The following DLK1 variants were observed in gnomAD, a reference collection of about 807,000 sequenced individuals.
DLK1 encodes the protein protein delta homolog 1.
In DLK1, 9 loss-of-function variants were observed where a neutral mutation model predicts 35.2. The ratio of observed to expected loss-of-function variants is 0.26; its 90% CI spans 0.15 to 0.45. The LOEUF is 0.45. Among genes scored for constraint, DLK1 ranks in the 20% least tolerant of loss-of-function variants. The probability of loss-of-function intolerance (pLI) is 1.00; values close to 1 mark genes in which losing one functional copy is unlikely to be tolerated. For missense variants in DLK1, 522 were observed against 528.5 expected (o/e 0.99, Z 0.12); for synonymous variants, 231 against 228.4 (o/e 1.01, Z -0.10).
rs1366343736 is a variant in DLK1 at position 100,735,532 on chromosome 14, C to G, written c.*636C>G. 1.3e-5 allele frequency: 2 copies of G among 152,340 alleles called. No individual in the cohort carries two copies. Among genetic ancestry groups the G allele is most frequent in the East Asian group, 3.9e-4 (2 of 5,178 alleles). The allele number at this position is 152,340 out of a possible 1,614,324, so 9.4% of individuals were successfully genotyped here. On this transcript the variant is annotated 3_prime_UTR_variant, in exon 5 of 5. Coordinates refer to ENST00000341267, the MANE Select transcript of DLK1 (RefSeq NM_003836.7). Reference sequence around the variant, plus strand: ...TGTGATCCTTGGCGAGTCCCTATCCCAATCCTGGGCCCACTTTCTCGCCCC... The same window carrying G: ...TGTGATCCTTGGCGAGTCCCTATCCGAATCCTGGGCCCACTTTCTCGCCCC...
At chr14:100,727,598 T>A (rs72698729) in intron 1 of DLK1, among the ~76,000 whole-genome samples, 12,725 of 152,104 alleles carry the variant, frequency 0.084, 744 homozygotes, top group Non-Finnish European at 0.12. Context: ...CGCGTTTCTG[T>A]AGGTGAGGGG....
chr14:100,728,785 A>T, intron 2 of DLK1, 151 bp from the exon 3 acceptor site: 1 of 1,076,512 alleles, frequency 9.3e-7, no homozygotes, highest in Non-Finnish European at 1.3e-6. Context: ...AAGTTTTCCC[A>T]TTCAGGTGGC....
rs1376553846 is a variant in DLK1, at chr14:100,736,044, T to TA, written c.*1149dup. 2.6e-5 allele frequency: 4 copies of TA among 152,198 alleles called. No individual in the cohort carries two copies. Among genetic ancestry groups the TA allele is most frequent in the Non-Finnish European group, 5.9e-5 (4 of 68,044 alleles). The allele number at this position is 152,198 out of a possible 1,614,324, so 9.4% of individuals were successfully genotyped here. On this transcript the variant is annotated 3_prime_UTR_variant, in exon 5 of 5. Coordinates refer to ENST00000341267, the MANE Select transcript of DLK1 (RefSeq NM_003836.7). ...TGGAAATTGTCACTTGTGGGGCGCT[T>TA]ACTAGTTTTGTGGCAAATGTGGTCC...
At chr14:100,731,850 G>A (rs187857854) in intron 3 of DLK1, among the ~76,000 whole-genome samples, 192 bp from the exon 4 acceptor site, 3 of 152,338 alleles carry the variant, frequency 2.0e-5, no homozygotes, top group Admixed American at 2.0e-4. Flanking sequence ...TGTGACCTTA[G>A]GCAAGGAAAC....
intron 4 of DLK1, among the ~76,000 whole-genome samples, chr14:100,733,725 C>T (rs1339577038): frequency 6.6e-6 from 1 of 152,236 alleles, no homozygotes; most frequent in African/African-American, 2.4e-5. Context: ...GGGCTTGCTC[C>T]AGTCCTGGGC....
In DLK1 at chr14:100,728,113, TG is replaced by T. The variant is rs1468576405; in HGVS notation, c.68-282del. On this transcript the variant is annotated intron_variant, in intron 1 of 4. Transcript: ENST00000341267. ...TTAGGAGGACTTGAGGTGTCGTATT[TG>T]CTTTTGGGAGTCCGAGGAGAAGGTG... Among the ~76,000 whole-genome samples, 4 of 152,208 alleles carry T rather than the reference TG, an allele frequency of 2.6e-5. No homozygotes were observed. The East Asian group carries it at 7.7e-4, about 29-fold the overall frequency.
At position 100,734,497 on chromosome 14, in the gene DLK1, C is replaced by A; in HGVS notation, c.753C>A (p.Ser251Arg). Residue 251 changes from serine to arginine, a missense_variant, in exon 5 of 5, where the codon AGC becomes AGA. Physicochemically the swap from Ser to Arg is moderately radical, Grantham distance 110. Coordinates refer to ENST00000341267, the MANE Select transcript of DLK1 (RefSeq NM_003836.7). The surrounding 1 kb of genome is among the most constrained non-coding windows in gnomAD (Gnocchi z 7.4). Reference protein sequence around the residue: ...GLTCVKKRALSPQQVTRLPSG... With the variant: ...GLTCVKKRALRPQQVTRLPSG... ...CCTGTGTCAAGAAGCGCGCGCTGAG[C>A]CCCCAGCAGGTCACCCGTCTGCCCA... 6.2e-7 allele frequency: 1 copy of A among 1,611,112 alleles called. No individual in the cohort carries two copies. The highest frequency in any genetic ancestry group is 8.5e-7 in the Non-Finnish European group (1 of 1,178,510).
rs762558665 is a variant in DLK1, at chr14:100,728,431, G to A, written c.103G>A (p.Gly35Arg). The part of the protein sequence containing the change: ...ECFPACNPQN[G>R]FCEDDNVCRC... ...CTTCCCGGCCTGCAACCCCCAAAAT[G>A]GATTCTGCGAGGATGACAATGTTTG... is the stretch of plus-strand genomic sequence containing the variant. The change falls in exon 2 of 5, where the codon GGA (glycine) becomes AGA (arginine). Residue 35 changes from glycine to arginine, a missense_variant. Gly to Arg is a moderately radical substitution (Grantham distance 125). Transcript: ENST00000341267. 1.9e-6 allele frequency: 3 copies of A among 1,613,922 alleles called. No homozygotes were observed. The highest frequency in any genetic ancestry group is 2.5e-6 in the Non-Finnish European group (3 of 1,179,984).
intron 1 of DLK1, among the ~76,000 whole-genome samples, chr14:100,727,685 C>A (rs944348729): frequency 6.6e-6 from 1 of 152,176 alleles, no homozygotes; most frequent in Non-Finnish European, 1.5e-5. Flanking sequence ...CGCCCCCCCA[C>A]TCATTGCACC....
intron 3 of DLK1, 41 bp downstream of exon 3, chr14:100,729,107 C>T (rs746642570): frequency 4.7e-5 from 76 of 1,610,442 alleles, no homozygotes; most frequent in Non-Finnish European, 6.2e-5. Flanking sequence ...TGCGTCCTTA[C>T]CTGCCTGCCC....
Position 100,728,449 on chromosome 14 carries a change from A to C in DLK1, c.121A>C (p.Asn41His). 6.2e-7 allele frequency: 1 copy of C among 1,613,740 alleles called. No individual in the cohort carries two copies. Among genetic ancestry groups the C allele is most frequent in the African/African-American group, 1.3e-5 (1 of 74,960 alleles). ...CCAAAATGGATTCTGCGAGGATGAC[A>C]ATGTTTGCAGGTAATAGAGTGGCTC... ...NPQNGFCEDD[N>H]VCRCQPGWQG... Residue 41 changes from asparagine to histidine, a missense_variant, in exon 2 of 5, where the codon AAT becomes CAT. Coordinates refer to ENST00000341267, the MANE Select transcript of DLK1 (RefSeq NM_003836.7).
chr14:100,729,574 C>T (rs552868718), intron 3 of DLK1, among the ~76,000 whole-genome samples: 3 of 137,754 alleles, frequency 2.2e-5, no homozygotes, highest in African/African-American at 8.4e-5. Context: ...GAGGACAGGG[C>T]TGGGGGGCCT....
Position 100,736,965 on chromosome 14 carries a change from C to T in DLK1, c.*2069C>T, listed in dbSNP as rs1332352940. 1.6e-5 allele frequency: 2 copies of T among 126,574 alleles called. No individual in the cohort carries two copies. The highest frequency in any genetic ancestry group is 3.2e-5 in the African/African-American group (1 of 31,592). The allele number at this position is 126,574 out of a possible 1,614,324, so 7.8% of individuals were successfully genotyped here. A position where few individuals can be genotyped will look rare whatever the true frequency, so the allele number is the denominator to read the frequency against. ...CCTTCCCATTCTCCCCACCCTTCCC[C>T]TCCGATCCCACCACCCTTCCCTTCC... On this transcript the variant is annotated 3_prime_UTR_variant, in exon 5 of 5. Transcript: ENST00000341267.
intron 2 of DLK1, 174 bp downstream of exon 2, chr14:100,728,633 G>C: frequency 7.8e-6 from 2 of 255,340 alleles, no homozygotes; most frequent in East Asian, 1.6e-4. Flanking sequence ...GCGGGGGGGG[G>C]GCAGCCACAG....
chr14:100,728,071 G>C lies in DLK1; in HGVS notation c.68-325G>C, dbSNP rs553539576. Among the ~76,000 whole-genome samples the C allele has an allele frequency of 4.6e-5, 7 of 152,208 alleles. No homozygotes were observed. In the East Asian group the frequency reaches 1.4e-3, roughly 29 times the overall value. On this transcript the variant is annotated intron_variant, in intron 1 of 4. Coordinates refer to ENST00000341267, the MANE Select transcript of DLK1 (RefSeq NM_003836.7). ...CAGGGCTCAACATATTTCCCTCCACGGTCCCCGTCCCCGCTGTTAGGAGGA... is the reference window on the plus strand; with the variant it reads ...CAGGGCTCAACATATTTCCCTCCACCGTCCCCGTCCCCGCTGTTAGGAGGA...
At position 100,737,796 on chromosome 14, in the gene DLK1, T is replaced by G. The variant is rs1196568772; in HGVS notation, c.*2900T>G. 1.3e-5 allele frequency: 2 copies of G among 152,098 alleles called. No homozygotes were observed. Among genetic ancestry groups the G allele is most frequent in the Non-Finnish European group, 2.9e-5 (2 of 68,044 alleles). The allele number at this position is 152,098 out of a possible 1,614,324, so 9.4% of individuals were successfully genotyped here. A position where few individuals can be genotyped will look rare whatever the true frequency, so the allele number is the denominator to read the frequency against. ...CCTTCCCACGCAACAAATTATCTAT[T>G]ACCAGCACCCGATGAGGCCGTCCCT... On this transcript the variant is annotated 3_prime_UTR_variant, in exon 5 of 5. Coordinates refer to ENST00000341267, the MANE Select transcript of DLK1 (RefSeq NM_003836.7).
At chr14:100,731,639 C>G (rs1165889489) in intron 3 of DLK1, among the ~76,000 whole-genome samples, 2 of 152,156 alleles carry the variant, frequency 1.3e-5, no homozygotes, top group African/African-American at 4.8e-5. Context: ...AGGACCCCTC[C>G]CCTAACAGGA....
intron 4 of DLK1, 32 bp downstream of exon 4, chr14:100,732,215 A>T: frequency 6.3e-7 from 1 of 1,598,334 alleles, no homozygotes; most frequent in Non-Finnish European, 8.5e-7. Context: ...GATCTAATGA[A>T]TGCTGCTTTT....
chr14:100,728,545 GC>G (rs1567020414), intron 2 of DLK1, 86 bp downstream of exon 2: 1 of 1,373,430 alleles, frequency 7.3e-7, no homozygotes, highest in Non-Finnish European at 1.0e-6. Context: ...AAAATAGGGG[GC>G]TTGGCCACTA....
Sources: allele counts gnomAD v4.1 joint callset (sites outside exome capture counted in the v4.1 genomes callset), GRCh38; gene constraint gnomAD v4.1.1; non-coding constraint Gnocchi (gnomAD v3.1); transcripts MANE v1.5; gene names NCBI Gene and HGNC (gene_info 2026-07-23, HGNC 2026-07-21).